MTFR1: variants seen among roughly 807,000 people sequenced by gnomAD.
MTFR1 encodes chondrocyte protein with a poly-proline region.
Under a neutral mutation model 38.8 loss-of-function variants are expected in MTFR1, and 28 were observed. The observed-to-expected ratio is 0.72, with a 90% confidence interval of 0.53 to 0.99. The LOEUF (loss-of-function observed/expected upper bound fraction) is 0.99. Ranked by LOEUF, MTFR1 falls within the 50% of genes least tolerant of loss-of-function variation. The probability of loss-of-function intolerance (pLI) is 0.00; values close to 1 mark genes in which losing one functional copy is unlikely to be tolerated. For missense variants in MTFR1, 358 were observed against 395.5 expected, an observed-to-expected ratio of 0.91 and a Z score of 0.81; for synonymous variants, 145 against 137.0, an observed-to-expected ratio of 1.06 and a Z score of -0.41.
intron 1 of MTFR1, among the ~76,000 whole-genome samples, chr8:65,662,799 C>T (rs1310603621): frequency 6.6e-6 from 1 of 150,686 alleles, no homozygotes; most frequent in Admixed American, 6.6e-5. Flanking sequence ...CCACCCCGTC[C>T]GGGAGGGAGG....
intron 3 of MTFR1, chr8:65,747,592 A>C: frequency 5.9e-6 from 6 of 1,020,376 alleles, no homozygotes; most frequent in South Asian, 3.1e-5. Flanking sequence ...TGTATGGGGA[A>C]TAAAGGCCTT....
chr8:65,723,798 T>C lies in MTFR1; in HGVS notation c.*48+4317T>C, dbSNP rs558681210. Among the ~76,000 whole-genome samples, 41 of 152,324 alleles carry C rather than the reference T, an allele frequency of 2.7e-4. No individual in the cohort carries two copies. The East Asian group carries it at 7.3e-3, about 27-fold the overall frequency. On this transcript the variant is annotated intron_variant, in intron 3 of 3. Coordinates refer to the MTFR1 transcript ENST00000521247. Reference sequence around the variant, plus strand: ...TAAGTTATTTACACATAGAAGAGATTGCCAAGCTGATATTTTTATTTAAAT... The same window carrying C: ...TAAGTTATTTACACATAGAAGAGATCGCCAAGCTGATATTTTTATTTAAAT...
At chr8:65,724,517 C>A (rs1806527929) in intron 3 of MTFR1, among the ~76,000 whole-genome samples, 1 of 152,124 alleles carries the variant, frequency 6.6e-6, no homozygotes, top group African/African-American at 2.4e-5. Context: ...AATGCTATTT[C>A]TTAATTGGTA....
chr8:65,770,007 G>C (rs900926646), intron 3 of MTFR1, among the ~76,000 whole-genome samples: 1 of 152,042 alleles, frequency 6.6e-6, no homozygotes, highest in African/African-American at 2.4e-5. Flanking sequence ...AAAAATTTTT[G>C]TCCAGAGATA....
At chr8:65,645,718 G>T (rs1369133875) in intron 1 of MTFR1, among the ~76,000 whole-genome samples, 1 of 135,994 alleles carries the variant, frequency 7.4e-6, no homozygotes, top group Non-Finnish European at 1.5e-5. Flanking sequence ...TTGTAGAGAT[G>T]GGGTCTCCTT....
At chr8:65,663,672 G>A (rs1391852168) in intron 1 of MTFR1, among the ~76,000 whole-genome samples, 2 of 151,830 alleles carry the variant, frequency 1.3e-5, no homozygotes, top group African/African-American at 4.8e-5. Context: ...TGACAAAGAT[G>A]TAGAGTACCT....
intron 3 of MTFR1, chr8:65,726,925 C>A: frequency 6.2e-7 from 1 of 1,609,250 alleles, no homozygotes; most frequent in Admixed American, 1.7e-5. Context: ...TCAATAAGCC[C>A]ACTGCAGATC....
chr8:65,727,308 TGTGAC>T, intron 3 of MTFR1: 3 of 1,612,328 alleles, frequency 1.9e-6, no homozygotes, highest in African/African-American at 1.3e-5. Flanking sequence ...CAAGCTGAAG[TGTGAC>T]AAAAGAATAA....
intron 1 of MTFR1, among the ~76,000 whole-genome samples, chr8:65,663,330 C>T (rs1804254485): frequency 6.6e-6 from 1 of 151,962 alleles, no homozygotes; most frequent in Non-Finnish European, 1.5e-5. Flanking sequence ...TGCTTGAAGG[C>T]AGCATGCTCG....
At chr8:65,734,236 T>G (rs530743976) in intron 3 of MTFR1, among the ~76,000 whole-genome samples, 1 of 152,332 alleles carries the variant, frequency 6.6e-6, no homozygotes, top group East Asian at 1.9e-4. Context: ...CAGTCTTCAC[T>G]GACTTCTGTT....
At chr8:65,723,500 G>A in intron 3 of MTFR1, 1 of 1,392,286 alleles carries the variant, frequency 7.2e-7, no homozygotes, top group Non-Finnish European at 9.4e-7. Flanking sequence ...TAAAAACAGT[G>A]GCATTTTTCT....
chr8:65,701,601 T>C (rs1186743570), intron 4 of MTFR1, among the ~76,000 whole-genome samples: 3 of 152,236 alleles, frequency 2.0e-5, no homozygotes, highest in Non-Finnish European at 4.4e-5. Flanking sequence ...TTCCTTATCC[T>C]AGGATGCTTG....
At chr8:65,666,313 C>T (rs1585755877) in intron 1 of MTFR1, among the ~76,000 whole-genome samples, 1 of 152,066 alleles carries the variant, frequency 6.6e-6, no homozygotes, top group Non-Finnish European at 1.5e-5. Context: ...GGCTGAGGCA[C>T]GAGAATCACT....
At chr8:65,738,731 C>T (rs1157000103) in intron 3 of MTFR1, among the ~76,000 whole-genome samples, 1 of 152,162 alleles carries the variant, frequency 6.6e-6, no homozygotes, top group Non-Finnish European at 1.5e-5. Context: ...CCACACCTGG[C>T]CCCAAATAAT....
chr8:65,645,690 T>TC (rs1808940141), intron 1 of MTFR1, among the ~76,000 whole-genome samples: 1 of 47,972 alleles, frequency 2.1e-5, no homozygotes, highest in Non-Finnish European at 4.3e-5. Flanking sequence ...CACGCCCGGC[T>TC]TTCCCCCCCC....
intron 3 of MTFR1, among the ~76,000 whole-genome samples, chr8:65,755,760 T>C (rs1229663515): frequency 6.6e-6 from 1 of 152,266 alleles, no homozygotes; most frequent in Non-Finnish European, 1.5e-5. Flanking sequence ...TACCCTTTTA[T>C]GTCATCATAA....
Position 65,756,261 on chromosome 8 carries a change from T to C in MTFR1, c.*49-14686T>C, listed in dbSNP as rs190869612. ...GTGTGGATTTCTGAGTTTGTCCTGATTGGAATTTACCGAGCTTCTTGGATG... is the reference window on the plus strand; with the variant it reads ...GTGTGGATTTCTGAGTTTGTCCTGACTGGAATTTACCGAGCTTCTTGGATG... On this transcript the variant is annotated intron_variant, in intron 3 of 3. Coordinates refer to the MTFR1 transcript ENST00000521247. Among the ~76,000 whole-genome samples, 29 of 152,316 alleles carry C rather than the reference T, an allele frequency of 1.9e-4. No homozygotes were observed. The East Asian group carries it at 5.4e-3, about 28-fold the overall frequency.
intron 1 of MTFR1, among the ~76,000 whole-genome samples, chr8:65,647,781 G>T (rs1809000165): frequency 7.3e-6 from 1 of 137,852 alleles, no homozygotes; most frequent in Non-Finnish European, 1.5e-5. Context: ...ACTATTGATA[G>T]AAATTACACA....
intron 3 of MTFR1, chr8:65,739,486 G>T: frequency 6.5e-7 from 1 of 1,540,656 alleles, no homozygotes; most frequent in Admixed American, 2.3e-5. Context: ...ACTGTTAATG[G>T]GTTAGAATCA....
Sources: allele counts gnomAD v4.1 joint callset (sites outside exome capture counted in the v4.1 genomes callset), GRCh38; gene constraint gnomAD v4.1.1; transcripts MANE v1.5; gene names NCBI Gene and HGNC (gene_info 2026-07-23, HGNC 2026-07-21).